The following CCDC171 variants were observed in gnomAD, a reference collection of about 807,000 sequenced individuals.
The protein encoded by CCDC171 is coiled-coil domain-containing protein 171.
Under a neutral mutation model 168.2 loss-of-function variants are expected in CCDC171, and 177 were observed. The observed-to-expected ratio is 1.05, with a 90% CI of 0.93 to 1.19. The LOEUF is 1.19. Ranked by LOEUF, CCDC171 falls within the 50% of genes most tolerant of loss-of-function variation. CCDC171 has a pLI of 0.00. For synonymous variants in CCDC171, 687 were observed against 540.8 expected, an observed-to-expected ratio of 1.27 and a Z score of -3.75; for missense variants, 1,991 against 1,539.0, an observed-to-expected ratio of 1.29 and a Z score of -4.91.
intron 25 of CCDC171, among the ~76,000 whole-genome samples, chr9:15,967,724 G>C (rs1046271261): frequency 6.6e-6 from 1 of 152,206 alleles, no homozygotes; most frequent in Non-Finnish European, 1.5e-5. Flanking sequence ...CTGATCTTCA[G>C]TCTAGTATTC....
At chr9:16,095,511 C>T in the CCDC171 span, among the ~76,000 whole-genome samples, 1 of 152,046 alleles carries the variant, frequency 6.6e-6, no homozygotes, top group African/African-American at 2.4e-5. Flanking sequence ...CCGTCTCTGT[C>T]TCTCTTCTCT....
At chr9:16,012,922 T>A (rs146717032) in intron 3 of CCDC171, among the ~76,000 whole-genome samples, 2 of 152,148 alleles carry the variant, frequency 1.3e-5, no homozygotes, top group Admixed American at 6.5e-5. Context: ...AACGTATAGG[T>A]CTCAGCCCTG....
intron 24 of CCDC171, among the ~76,000 whole-genome samples, chr9:15,908,839 A>G (rs762389303): frequency 1.7e-4 from 26 of 152,248 alleles, no homozygotes; most frequent in Admixed American, 4.6e-4. Context: ...GAGGTGCCAC[A>G]TGGTTTTAAA....
At chr9:15,797,042 G>A (rs1050453036) in intron 21 of CCDC171, among the ~76,000 whole-genome samples, 1 of 152,116 alleles carries the variant, frequency 6.6e-6, no homozygotes, top group African/African-American at 2.4e-5. Context: ...TTCACATCCT[G>A]GTGAATACTT....
At chr9:15,871,157 A>T (rs1360449314) in intron 23 of CCDC171, among the ~76,000 whole-genome samples, 1 of 151,702 alleles carries the variant, frequency 6.6e-6, no homozygotes, top group Non-Finnish European at 1.5e-5. Flanking sequence ...ATTCTAAAAT[A>T]TGATATTGCA....
the CCDC171 span, among the ~76,000 whole-genome samples, chr9:16,093,543 C>T: frequency 3.9e-5 from 6 of 152,182 alleles, no homozygotes; most frequent in African/African-American, 1.4e-4. Context: ...ATGAGTGGCT[C>T]CAGTGAAGAA....
chr9:15,991,576 G>C (rs974717209), intron 3 of CCDC171, among the ~76,000 whole-genome samples: 1 of 152,082 alleles, frequency 6.6e-6, no homozygotes, highest in East Asian at 1.9e-4. Context: ...AAATAACTAA[G>C]ATCAGAGCAG....
chr9:15,700,305 G>A (rs925189461), intron 11 of CCDC171, among the ~76,000 whole-genome samples: 1 of 152,228 alleles, frequency 6.6e-6, no homozygotes, highest in Non-Finnish European at 1.5e-5. Flanking sequence ...CTCATTGCCC[G>A]GGGCTGGCAG....
At chr9:15,628,187 G>C (rs2045332484) in intron 7 of CCDC171, among the ~76,000 whole-genome samples, 1 of 152,092 alleles carries the variant, frequency 6.6e-6, no homozygotes, top group South Asian at 2.1e-4. Flanking sequence ...CAGGACAGTG[G>C]GTGCAGCACA....
chr9:15,897,985 A>C (rs1821127661), intron 24 of CCDC171, among the ~76,000 whole-genome samples: 1 of 152,204 alleles, frequency 6.6e-6, no homozygotes, highest in Admixed American at 6.6e-5. Flanking sequence ...ACAGTTTCTT[A>C]GTCTATAAAG....
At chr9:15,648,903 A>T (rs1001875081) in intron 7 of CCDC171, among the ~76,000 whole-genome samples, 1 of 152,206 alleles carries the variant, frequency 6.6e-6, no homozygotes, top group African/African-American at 2.4e-5. Flanking sequence ...ACTACTTTGA[A>T]GTTCATATGA....
At chr9:16,016,461 A>T (rs1054522780) in intron 3 of CCDC171, among the ~76,000 whole-genome samples, 5 of 152,178 alleles carry the variant, frequency 3.3e-5, no homozygotes, top group Admixed American at 3.3e-4. Context: ...GAATCAAGCA[A>T]TGGCCAGAGC....
the CCDC171 span, among the ~76,000 whole-genome samples, chr9:16,068,954 A>C: frequency 1.3e-5 from 2 of 152,208 alleles, no homozygotes; most frequent in African/African-American, 4.8e-5. Flanking sequence ...AAGGTCTGGC[A>C]GAAGTTAACA....
chr9:15,717,459 C>G (rs2053164769), intron 11 of CCDC171, among the ~76,000 whole-genome samples: 1 of 152,222 alleles, frequency 6.6e-6, no homozygotes, highest in Middle Eastern at 3.4e-3. Flanking sequence ...GGGCTCGGAG[C>G]CAGTGGACTT....
intron 24 of CCDC171, among the ~76,000 whole-genome samples, chr9:15,876,597 A>G (rs1339587322): frequency 1.3e-5 from 2 of 152,182 alleles, no homozygotes; most frequent in African/African-American, 4.8e-5. Context: ...CATATGTTAC[A>G]TGGTAAGAGT....
At chr9:15,608,812 G>A (rs1053067072) in intron 6 of CCDC171, among the ~76,000 whole-genome samples, 2 of 149,498 alleles carry the variant, frequency 1.3e-5, no homozygotes, top group Non-Finnish European at 3.0e-5. Context: ...ATATATATTA[G>A]CCAGGCGTAG....
intron 24 of CCDC171, among the ~76,000 whole-genome samples, chr9:15,884,703 T>TC (rs1588988128): frequency 6.6e-6 from 1 of 152,144 alleles, no homozygotes; most frequent in East Asian, 1.9e-4. Context: ...GAGCCACTGT[T>TC]CCCTCATCTG....
rs1441472983 is a variant in CCDC171, at chr9:15,756,880, CTCTT to C, written c.2671+11257_2671+11260del. Among the ~76,000 whole-genome samples the C allele has an allele frequency of 1.8e-4, 28 of 152,326 alleles. No individual in the cohort carries two copies. The East Asian group carries it at 5.4e-3, about 29-fold the overall frequency. ...AAACACATTCTGCTTCATTCTCCTTCTCTTTCTTTCTGCCACCATGTGAGATGTG... is the reference window on the plus strand; with the variant it reads ...AAACACATTCTGCTTCATTCTCCTTCTCTTTCTGCCACCATGTGAGATGTG... On this transcript the variant is annotated intron_variant, in intron 18 of 25. Transcript: ENST00000380701.
At chr9:15,632,617 A>G (rs1286716651) in intron 7 of CCDC171, among the ~76,000 whole-genome samples, 1 of 152,178 alleles carries the variant, frequency 6.6e-6, no homozygotes, top group South Asian at 2.1e-4. Context: ...TATAGATTCA[A>G]TGCCATCCCC....
Sources: gnomAD v4.1 joint callset for allele counts (sites outside exome capture counted in the v4.1 genomes callset) on GRCh38, gnomAD v4.1.1 for gene constraint, MANE v1.5 for transcripts, NCBI Gene and HGNC (gene_info 2026-07-23, HGNC 2026-07-21) for gene names.